Variants in PPP4R3B observed in about 807,000 individuals in gnomAD.
The protein encoded by PPP4R3B is protein phosphatase 4 regulatory subunit 3B.
In PPP4R3B, 52 loss-of-function variants were observed where a neutral mutation model predicts 95.4. The observed-to-expected ratio is 0.54, with a 90% CI of 0.44 to 0.69. The LOEUF (loss-of-function observed/expected upper bound fraction) is 0.69, where lower values mean the gene tolerates loss of function less well. PPP4R3B is among the 30% of genes least tolerant of loss of function. The probability of loss-of-function intolerance (pLI) is 0.00; values close to 1 mark genes in which losing one functional copy is unlikely to be tolerated. For synonymous variants in PPP4R3B, 407 were observed against 343.9 expected (o/e 1.18, Z -2.03); for missense variants, 1,003 against 1,005.9 (o/e 1.00, Z 0.04).
chr2:55,604,002 A>T lies in PPP4R3B; in HGVS notation c.273T>A (p.Asp91Glu). The T allele has an allele frequency of 6.2e-7, 1 of 1,610,852 alleles. No homozygotes were observed. Among genetic ancestry groups the T allele is most frequent in the Non-Finnish European group, 8.5e-7 (1 of 1,178,848 alleles). ...ALSFQEKAGC[D>E]EIWEKICQVQ... is the part of the protein sequence containing the mutation. Reference sequence around the variant, plus strand: ...CCTGACAAATTTTTTCCCAGATCTCATCACAGCCAGCTTTCTCCTGAAAAC... The same window carrying T: ...CCTGACAAATTTTTTCCCAGATCTCTTCACAGCCAGCTTTCTCCTGAAAAC... Residue 91 changes from aspartate to glutamate, a missense_variant, in exon 3 of 17, where the codon GAT becomes GAA. Transcript: ENST00000616407.
chr2:55,548,009 T>G lies in PPP4R3B; in HGVS notation c.*1902A>C, dbSNP rs1684889164. 1 of 152,158 alleles carries G rather than the reference T, an allele frequency of 6.6e-6. No homozygotes were observed. The highest frequency in any genetic ancestry group is 6.5e-5 in the Admixed American group (1 of 15,284). 9.4% of individuals were successfully genotyped at this position (152,158 alleles called of 1,614,324 possible). On this transcript the variant is annotated 3_prime_UTR_variant, in exon 17 of 17. Transcript: ENST00000616407. Reference sequence around the variant, plus strand: ...GCTGAGAGATGGGTCTCGATAAAATTTGATGATTCAAAGAAAGTGGATGGG... The same window carrying G: ...GCTGAGAGATGGGTCTCGATAAAATGTGATGATTCAAAGAAAGTGGATGGG...
At chr2:55,564,814 C>T in intron 14 of PPP4R3B, 88 bp downstream of exon 14, 4 of 1,494,494 alleles carry the variant, frequency 2.7e-6, no homozygotes, top group Non-Finnish European at 3.6e-6. Flanking sequence ...AAGAAAATTC[C>T]TCAGTAAATT....
intron 4 of PPP4R3B, among the ~76,000 whole-genome samples, chr2:55,596,901 T>A (rs1574858118): frequency 6.6e-6 from 1 of 151,778 alleles, no homozygotes; most frequent in African/African-American, 2.4e-5. Flanking sequence ...AAGGTGGAGG[T>A]TGCAATGAGC....
At chr2:55,570,784 T>A (rs1687895965) in intron 12 of PPP4R3B, among the ~76,000 whole-genome samples, 1 of 152,206 alleles carries the variant, frequency 6.6e-6, no homozygotes. Flanking sequence ...AAATGTTAAC[T>A]GTAACACCAA....
At chr2:55,577,554 T>TTA (rs1229996568) in intron 10 of PPP4R3B, among the ~76,000 whole-genome samples, 198 bp from the exon 11 acceptor site, 1 of 152,100 alleles carries the variant, frequency 6.6e-6, no homozygotes, top group African/African-American at 2.4e-5. Context: ...GATGTGGAAT[T>TTA]ATTAAAAGAC....
In PPP4R3B at chr2:55,579,671, G is replaced by A. The variant is rs1225753321; in HGVS notation, c.1468+8C>T. 6.4e-7 allele frequency: 1 copy of A among 1,558,432 alleles called. No individual in the cohort carries two copies. Among genetic ancestry groups the A allele is most frequent in the Non-Finnish European group, 8.7e-7 (1 of 1,151,210 alleles). Reference sequence around the variant, plus strand: ...AGAAATCACAGCAGATAAATAAAGAGACCCTACCCTTTTCACATTTGTCTT... The same window carrying A: ...AGAAATCACAGCAGATAAATAAAGAAACCCTACCCTTTTCACATTTGTCTT... On this transcript the variant is annotated splice_region_variant and intron_variant, in intron 9 of 16. Coordinates refer to ENST00000616407, the MANE Select transcript of PPP4R3B (RefSeq NM_001122964.3).
At chr2:55,605,020 A>G (rs891259884) in intron 2 of PPP4R3B, among the ~76,000 whole-genome samples, 5 of 152,004 alleles carry the variant, frequency 3.3e-5, no homozygotes, top group Admixed American at 6.6e-5. Context: ...TCGTAGAGAC[A>G]GGGTTTCACC....
chr2:55,612,323 A>G (rs1268209868), intron 2 of PPP4R3B, among the ~76,000 whole-genome samples: 2 of 152,256 alleles, frequency 1.3e-5, no homozygotes, highest in Non-Finnish European at 2.9e-5. Flanking sequence ...AGACTAATTT[A>G]TTGAATAACC....
intron 3 of PPP4R3B, among the ~76,000 whole-genome samples, chr2:55,600,735 C>A: frequency 6.7e-6 from 1 of 149,880 alleles, no homozygotes; most frequent in Non-Finnish European, 1.5e-5. Context: ...GTGGAAAAGT[C>A]TGAATAAAAA....
rs1272947315 is a variant in PPP4R3B, at chr2:55,598,716, T to C, written c.621A>G (p.Ala207=). ...IIRGILFLNK[A]TLFEVMFSDE... ...CAGAAAACATTACCTCAAAAAGAGT[T>C]GCCTTATTTAGGAATAAGATTCCTC... Residue 207 remains alanine (A), a synonymous_variant, in exon 4 of 17, where the codon GCA becomes GCG. Coordinates refer to ENST00000616407, the MANE Select transcript of PPP4R3B (RefSeq NM_001122964.3). 8.1e-6 allele frequency: 13 copies of C among 1,614,120 alleles called. No individual in the cohort carries two copies. Among genetic ancestry groups the C allele is most frequent in the African/African-American group, 1.3e-5 (1 of 74,950 alleles).
chr2:55,578,742 G>C (rs573918980), intron 9 of PPP4R3B, among the ~76,000 whole-genome samples: 13 of 152,102 alleles, frequency 8.5e-5, no homozygotes, highest in African/African-American at 3.1e-4. Flanking sequence ...GTATTACATA[G>C]GGTGTGCTCA....
At chr2:55,562,649 A>T (rs1686779553) in intron 15 of PPP4R3B, among the ~76,000 whole-genome samples, 1 of 152,238 alleles carries the variant, frequency 6.6e-6, no homozygotes, top group Non-Finnish European at 1.5e-5. Context: ...TTTTAACAGT[A>T]TAAAACGAAC....
In PPP4R3B at chr2:55,598,473, A is replaced by C; in HGVS notation, c.864T>G (p.Leu288=). 2 of 1,614,142 alleles carry C rather than the reference A, an allele frequency of 1.2e-6. No homozygotes were observed. The highest frequency in any genetic ancestry group is 1.7e-6 in the Non-Finnish European group (2 of 1,180,022). Residue 288 remains leucine, a synonymous_variant, in exon 4 of 17, where the codon CTT becomes CTG. Transcript: ENST00000616407. ...PTPSVFEENF[L]STLTSFIFFN... is the part of the protein sequence containing the mutation. Reference sequence around the variant, plus strand: ...AGAAAATAAAAGACGTAAGAGTAGAAAGAAAATTCTCTTCAAAAACAGATG... The same window carrying C: ...AGAAAATAAAAGACGTAAGAGTAGACAGAAAATTCTCTTCAAAAACAGATG...
intron 15 of PPP4R3B, among the ~76,000 whole-genome samples, chr2:55,560,778 GAAAAAAAAAAAAAAAAAAAAA>G (rs545517387): frequency 2.8e-4 from 26 of 91,420 alleles, no homozygotes; most frequent in Admixed American, 1.7e-3. Context: ...CTCCATCTCA[GAAAAAAAAAAAAAAAAAAAAA>G]AAAAAAAAAA....
At chr2:55,596,821 G>A (rs71414567) in intron 4 of PPP4R3B, among the ~76,000 whole-genome samples, 4 of 152,108 alleles carry the variant, frequency 2.6e-5, no homozygotes, top group Non-Finnish European at 4.4e-5. Context: ...AAAATTAGTC[G>A]AGTGTGGTGG....
intron 8 of PPP4R3B, among the ~76,000 whole-genome samples, chr2:55,580,937 A>G (rs1689361700): frequency 2.0e-5 from 3 of 152,198 alleles, no homozygotes; most frequent in Non-Finnish European, 4.4e-5. Context: ...TGATAAAATC[A>G]CGCAACATAA....
chr2:55,598,829 C>T lies in PPP4R3B; in HGVS notation c.508G>A (p.Gly170Ser). The T allele has an allele frequency of 2.5e-6, 4 of 1,614,144 alleles. No homozygotes were observed. Among genetic ancestry groups the T allele is most frequent in the Non-Finnish European group, 2.5e-6 (3 of 1,180,032 alleles). Residue 170 changes from glycine to serine, a missense_variant, in exon 4 of 17, where the codon GGC (glycine) becomes AGC (serine). Coordinates refer to ENST00000616407, the MANE Select transcript of PPP4R3B (RefSeq NM_001122964.3). ...AGCTGCAATAGTTTTTTAATATAGC[C>T]TTCATTTTCCAAGGCGAGAGCCAGC... ...EKLALALENE[G>S]YIKKLLQLFQ...
intron 2 of PPP4R3B, chr2:55,614,380 T>G (rs1413146312): frequency 6.6e-6 from 1 of 152,134 alleles, no homozygotes; most frequent in Non-Finnish European, 1.5e-5. Context: ...TAACAACAAG[T>G]GTATGTCATA....
chr2:55,549,838 G>A lies in PPP4R3B; in HGVS notation c.*73C>T, dbSNP rs1574639609. ...ATAAGTTCAATTGAGAAAGCTTTCT[G>A]ATTCAGATTTTCAGCTCACTGAACA... On this transcript the variant is annotated 3_prime_UTR_variant, in exon 17 of 17. Coordinates refer to ENST00000616407, the MANE Select transcript of PPP4R3B (RefSeq NM_001122964.3). 2.7e-6 allele frequency: 3 copies of A among 1,130,644 alleles called. No individual in the cohort carries two copies. In the East Asian group the frequency reaches 7.1e-5, roughly 27 times the overall value. 70.0% of individuals were successfully genotyped at this position (1,130,644 alleles called of 1,614,324 possible).
Sources: gnomAD v4.1 joint callset for allele counts (sites outside exome capture counted in the v4.1 genomes callset) on GRCh38, gnomAD v4.1.1 for gene constraint, MANE v1.5 for transcripts, NCBI Gene and HGNC (gene_info 2026-07-23, HGNC 2026-07-21) for gene names.